ENTREP2: variants seen among roughly 807,000 people sequenced by gnomAD.
The protein encoded by ENTREP2 is endosomal transmembrane epsin interactor 2, also known as protein ENTREP2.
the ENTREP2 span, among the ~76,000 whole-genome samples, chr15:29,607,815 G>GATAGATAGATAT: frequency 7.1e-6 from 1 of 141,208 alleles, no homozygotes; most frequent in South Asian, 2.3e-4. Context: ...TAGATAGATA[G>GATAGATAGATAT]ATAGATAGAT....
At chr15:29,476,852 C>T in the ENTREP2 span, among the ~76,000 whole-genome samples, 17 of 152,176 alleles carry the variant, frequency 1.1e-4, no homozygotes, top group Non-Finnish European at 1.6e-4. Flanking sequence ...CCTGGAAAAC[C>T]GATTGCCAGC....
the ENTREP2 span, among the ~76,000 whole-genome samples, chr15:29,378,148 T>TG: frequency 6.6e-6 from 1 of 151,526 alleles, no homozygotes; most frequent in Non-Finnish European, 1.5e-5. Flanking sequence ...ACTTAAGGTG[T>TG]GGAAGCCTTG....
the ENTREP2 span, among the ~76,000 whole-genome samples, chr15:29,370,081 C>A: frequency 1.4e-4 from 21 of 152,176 alleles, no homozygotes; most frequent in South Asian, 3.5e-3. Context: ...TCTGTTATGG[C>A]AACATACAAC....
At chr15:29,168,037 T>C in the ENTREP2 span, among the ~76,000 whole-genome samples, 5 of 152,142 alleles carry the variant, frequency 3.3e-5, 1 homozygote, top group Admixed American at 2.0e-4. Flanking sequence ...CTGGATAAGA[T>C]TGGAGACTCT....
the ENTREP2 span, among the ~76,000 whole-genome samples, chr15:29,334,580 TTG>T: frequency 6.6e-6 from 1 of 151,926 alleles, no homozygotes; most frequent in Non-Finnish European, 1.5e-5. Context: ...AGGTTGAACT[TTG>T]ACTGAGCGTA....
chr15:29,499,348 A>G, the ENTREP2 span, among the ~76,000 whole-genome samples: 2 of 152,142 alleles, frequency 1.3e-5, no homozygotes, highest in Admixed American at 6.6e-5. Context: ...GGCTTACATA[A>G]AGCATATTAT....
the ENTREP2 span, among the ~76,000 whole-genome samples, chr15:29,649,728 A>AAC: frequency 4.0e-3 from 395 of 99,312 alleles, 1 homozygote; most frequent in Non-Finnish European, 6.3e-3. Context: ...CAACAACAAC[A>AAC]AAAAAAAAAA....
At chr15:29,199,609 C>G in the ENTREP2 span, among the ~76,000 whole-genome samples, 1 of 152,198 alleles carries the variant, frequency 6.6e-6, no homozygotes, top group African/African-American at 2.4e-5. Context: ...ACAATTTTAA[C>G]TCAGCATAAA....
chr15:29,627,866 T>C, the ENTREP2 span, among the ~76,000 whole-genome samples: 3 of 152,246 alleles, frequency 2.0e-5, no homozygotes, highest in South Asian at 4.1e-4. Flanking sequence ...CGTATGTATG[T>C]GCCATATTTC....
At chr15:29,269,857 G>A in the ENTREP2 span, 646 of 733,354 alleles carry the variant, frequency 8.8e-4, 10 homozygotes, top group East Asian at 0.021. Flanking sequence ...CCTTGCGTCA[G>A]GGCGGCTGGG....
At chr15:29,617,301 AG>A in the ENTREP2 span, among the ~76,000 whole-genome samples, 17 of 152,282 alleles carry the variant, frequency 1.1e-4, no homozygotes, top group African/African-American at 3.9e-4. Context: ...GAGAAAATGC[AG>A]GTCCCAGATC....
chr15:29,199,684 T>C, the ENTREP2 span, among the ~76,000 whole-genome samples: 1 of 152,236 alleles, frequency 6.6e-6, no homozygotes, highest in East Asian at 1.9e-4. Flanking sequence ...TCTCAGTCTA[T>C]AGTTTATCTT....
At chr15:29,551,731 C>T in the ENTREP2 span, among the ~76,000 whole-genome samples, 69,777 of 151,266 alleles carry the variant, frequency 0.46, 17,607 homozygotes, top group African/African-American at 0.69. Flanking sequence ...GCAGAGCAAA[C>T]CCCAGTATTA....
chr15:29,228,991 A>AT, the ENTREP2 span, among the ~76,000 whole-genome samples: 1 of 152,058 alleles, frequency 6.6e-6, no homozygotes, highest in Admixed American at 6.6e-5. Context: ...TATTAGGAAC[A>AT]TTTTTGTCCT....
chr15:29,270,548 C>T, the ENTREP2 span, among the ~76,000 whole-genome samples: 9 of 152,206 alleles, frequency 5.9e-5, no homozygotes, highest in African/African-American at 2.2e-4. Context: ...TGCAAACAAA[C>T]GTGCACTCTC....
the ENTREP2 span, among the ~76,000 whole-genome samples, chr15:29,573,163 A>G: frequency 6.6e-6 from 1 of 152,142 alleles, no homozygotes; most frequent in Non-Finnish European, 1.5e-5. Flanking sequence ...TTTATTTAAG[A>G]AAGGTACGGA....
the ENTREP2 span, among the ~76,000 whole-genome samples, chr15:29,348,344 A>T: frequency 6.6e-6 from 1 of 152,092 alleles, no homozygotes; most frequent in Non-Finnish European, 1.5e-5. Context: ...TAGGACAGGG[A>T]GCAGCAATGT....
the ENTREP2 span, among the ~76,000 whole-genome samples, chr15:29,195,816 C>T: frequency 6.6e-5 from 10 of 152,190 alleles, no homozygotes; most frequent in Non-Finnish European, 8.8e-5. Context: ...TGAGCCACTG[C>T]GCCCGGCTTG....
the ENTREP2 span, among the ~76,000 whole-genome samples, chr15:29,412,588 C>T: frequency 6.6e-6 from 1 of 152,092 alleles, no homozygotes; most frequent in Admixed American, 6.6e-5. Context: ...TTCTATAAAT[C>T]TGTCCATTAC....
Sources: gnomAD v4.1 joint callset for allele counts (sites outside exome capture counted in the v4.1 genomes callset) on GRCh38, gnomAD v4.1.1 for gene constraint, MANE v1.5 for transcripts, NCBI Gene and HGNC (gene_info 2026-07-23, HGNC 2026-07-21) for gene names.